The following PPP1R12C variants were observed in gnomAD, a reference collection of about 807,000 sequenced individuals.
PPP1R12C encodes leukocyte receptor cluster (LRC) encoded novel gene 3.
Under a neutral mutation model 95.6 loss-of-function variants are expected in PPP1R12C, and 48 were observed. The observed-to-expected ratio is 0.50, with a 90% CI of 0.40 to 0.64. PPP1R12C has a LOEUF of 0.64. Ranked by LOEUF, PPP1R12C falls within the 30% of genes least tolerant of loss-of-function variation. The pLI is 0.00. For synonymous variants in PPP1R12C, 480 were observed against 460.8 expected (o/e 1.04, Z -0.53); for missense variants, 1,057 against 1,083.3 (o/e 0.98, Z 0.34).
In PPP1R12C at chr19:55,104,179, A is replaced by T. The variant is rs377284625; in HGVS notation, c.572-611T>A. 2.1e-3 allele frequency among the ~76,000 whole-genome samples: 216 copies of T among 104,338 alleles called. 4 individuals carry two copies. The South Asian group carries it at 0.028, about 14-fold the overall frequency. 68.4% of individuals were successfully genotyped at this position (104,338 alleles called of 152,430 possible). A position where few individuals can be genotyped will look rare whatever the true frequency, so the allele number is the denominator to read the frequency against. ...CTCTGTCTAAAAAAAAAAAAAAAAA[A>T]GTATATATATATATATATATACACA... On this transcript the variant is annotated intron_variant, in intron 3 of 21. Transcript: ENST00000263433.
At chr19:55,102,431 G>A (rs1422383404) in intron 4 of PPP1R12C, among the ~76,000 whole-genome samples, 1 of 152,208 alleles carries the variant, frequency 6.6e-6, no homozygotes, top group Non-Finnish European at 1.5e-5. Context: ...AGAATTCCTT[G>A]AACCCAGGAG....
At chr19:55,092,074 T>G in intron 19 of PPP1R12C, 148 bp downstream of exon 19, 5 of 1,087,212 alleles carry the variant, frequency 4.6e-6, no homozygotes, top group Non-Finnish European at 6.6e-6. Context: ...ATCCCCTCGC[T>G]CAGACTCCGC....
At chr19:55,094,307 C>T in intron 13 of PPP1R12C, 38 bp downstream of exon 13, 1 of 969,286 alleles carries the variant, frequency 1.0e-6, no homozygotes, top group South Asian at 1.5e-5. Flanking sequence ...CCCCTCCTCC[C>T]TCAGACCCAG....
chr19:55,096,709 G>T, intron 6 of PPP1R12C: 1 of 386,306 alleles, frequency 2.6e-6, no homozygotes, highest in South Asian at 2.3e-5. Flanking sequence ...GCCGGCACTC[G>T]CCTCCTCCTT....
chr19:55,095,074 G>A (rs1343475261), intron 11 of PPP1R12C: 1 of 691,876 alleles, frequency 1.4e-6, no homozygotes, highest in East Asian at 2.7e-5. Flanking sequence ...GGTGGTCAGT[G>A]TGCACCTCGG....
intron 3 of PPP1R12C, among the ~76,000 whole-genome samples, chr19:55,104,077 C>T (rs1472222978): frequency 6.9e-6 from 1 of 145,632 alleles, no homozygotes; most frequent in Non-Finnish European, 1.5e-5. Context: ...GCAGGAGAAT[C>T]GCTTGAACCC....
Position 55,117,618 on chromosome 19 carries a change from C to CCCGGGGGCCG in PPP1R12C, c.-85_-76dup, listed in dbSNP as rs1413999486. On this transcript the variant is annotated 5_prime_UTR_variant, in exon 1 of 22. Coordinates refer to ENST00000263433, the MANE Select transcript of PPP1R12C (RefSeq NM_017607.4). ...CGCCACCACCCGCCCGCCCGCCCGC[C>CCCGGGGGCCG]CCGGGGGCCGCCGGGAACTGCCGCT... The CCCGGGGGCCG allele has an allele frequency of 3.3e-6, 3 of 917,362 alleles. No homozygotes were observed. Among genetic ancestry groups the CCCGGGGGCCG allele is most frequent in the Admixed American group, 1.3e-4 (2 of 15,948 alleles). 56.8% of individuals were successfully genotyped at this position (917,362 alleles called of 1,614,324 possible).
Position 55,092,804 on chromosome 19 carries a change from C to G in PPP1R12C, c.1890G>C (p.Lys630Asn). 1 of 1,561,628 alleles carries G rather than the reference C, an allele frequency of 6.4e-7. No individual in the cohort carries two copies. The highest frequency in any genetic ancestry group is 8.7e-7 in the Non-Finnish European group (1 of 1,153,026). Residue 630 changes from lysine (K) to asparagine (N), a missense_variant, in exon 16 of 22, where the codon AAG (lysine) becomes AAC (asparagine). Physicochemically the swap from Lys to Asn is moderately conservative, Grantham distance 94. This residue lies in a region of PPP1R12C where 347 missense variants were observed against 307.9 expected (regional missense o/e 1.13). Coordinates refer to ENST00000263433, the MANE Select transcript of PPP1R12C (RefSeq NM_017607.4). ...TCACCTCCGCAGGCCCCCTCCACTC[C>G]TTTCCGACCTTGCGGTGCTCCCTGG... ...QAAREHRKVG[K>N]EWRGPAEGEE...
Position 55,109,644 on chromosome 19 carries a change from T to C in PPP1R12C, c.571+2823A>G, listed in dbSNP as rs912973847. ...GGGATGGTCGTGCCTGAGGCCGGTCTGTCTTCTCTCCCAGCCCTGCCTGTG... is the reference window on the plus strand; with the variant it reads ...GGGATGGTCGTGCCTGAGGCCGGTCCGTCTTCTCTCCCAGCCCTGCCTGTG... On this transcript the variant is annotated intron_variant, in intron 3 of 21. Transcript: ENST00000263433. This position sits in a 1 kb window ranked among gnomAD's most constrained non-coding sequence, Gnocchi z 4.4. 2.6e-5 allele frequency among the ~76,000 whole-genome samples: 4 copies of C among 152,256 alleles called. No individual in the cohort carries two copies. Among genetic ancestry groups the C allele is most frequent in the Admixed American group, 1.3e-4 (2 of 15,290 alleles).
At chr19:55,110,361 G>T (rs1374326909) in intron 3 of PPP1R12C, among the ~76,000 whole-genome samples, 7 of 143,940 alleles carry the variant, frequency 4.9e-5, no homozygotes, top group African/African-American at 1.9e-4. Flanking sequence ...GGTGCGGTGG[G>T]TGAGAGTGTA....
intron 15 of PPP1R12C, 40 bp from the exon 16 acceptor site, chr19:55,092,908 C>A: frequency 6.3e-7 from 1 of 1,597,032 alleles, no homozygotes; most frequent in Non-Finnish European, 8.5e-7. Context: ...ACCTCCAGAG[C>A]CCCCTCTCGG....
At chr19:55,097,250 T>C (rs2084927779) in intron 6 of PPP1R12C, among the ~76,000 whole-genome samples, 1 of 94,314 alleles carries the variant, frequency 1.1e-5, no homozygotes. Context: ...ACCACCGTCT[T>C]CACCCCTACC....
chr19:55,092,190 A>G, intron 19 of PPP1R12C, 32 bp downstream of exon 19: 1 of 1,527,072 alleles, frequency 6.5e-7, no homozygotes. Flanking sequence ...CGGCCCTGCC[A>G]GTTCCCGTGA....
intron 5 of PPP1R12C, 30 bp from the exon 6 acceptor site, chr19:55,098,888 A>G (rs561008885): frequency 2.5e-6 from 4 of 1,612,798 alleles, no homozygotes; most frequent in East Asian, 2.2e-5. Context: ...GGATCAGACA[A>G]TGAAGGAGGT....
chr19:55,092,489 G>T lies in PPP1R12C; in HGVS notation c.2008C>A (p.Pro670Thr), dbSNP rs775028111. The T allele has an allele frequency of 2.9e-5, 46 of 1,610,134 alleles. No individual in the cohort carries two copies. Among genetic ancestry groups the T allele is most frequent in the Non-Finnish European group, 3.7e-5 (44 of 1,178,674 alleles). ...RRQRWQRDLN[P>T]EPEPESEEPD... ...TCTTCCGATTCTGGCTCAGGTTCTGGGTTGAGGTCCCGCTGCCACCGCTGC... is the reference window on the plus strand; with the variant it reads ...TCTTCCGATTCTGGCTCAGGTTCTGTGTTGAGGTCCCGCTGCCACCGCTGC... The change falls in exon 18 of 22, where the codon CCA (proline) becomes ACA (threonine). Residue 670 changes from proline to threonine, a missense_variant. Transcript: ENST00000263433.
Position 55,094,805 on chromosome 19 carries a change from C to T in PPP1R12C, c.1455-7G>A. Reference sequence around the variant, plus strand: ...AGGCTTGGTGACCTCAGACCTGCATCAATTCATTCATTCCACAAACATTAC... The same window carrying T: ...AGGCTTGGTGACCTCAGACCTGCATTAATTCATTCATTCCACAAACATTAC... On this transcript the variant is annotated splice_region_variant and splice_polypyrimidine_tract_variant and intron_variant, in intron 11 of 21. Transcript: ENST00000263433. 6.3e-7 allele frequency: 1 copy of T among 1,585,068 alleles called. No individual in the cohort carries two copies. Among genetic ancestry groups the T allele is most frequent in the Non-Finnish European group, 8.6e-7 (1 of 1,168,710 alleles).
chr19:55,095,346 G>A lies in PPP1R12C; in HGVS notation c.1399C>T (p.Arg467Cys), dbSNP rs370400749. ...GGGGTCGGGGTAATTCTGGCAAGACGGAGCTCCTTGGCCTGTGTGGAGAGG... is the reference window on the plus strand; with the variant it reads ...GGGGTCGGGGTAATTCTGGCAAGACAGAGCTCCTTGGCCTGTGTGGAGAGG... ...EGTSTQAKELRLARITPTPSP... is the reference protein window; with the variant it reads ...EGTSTQAKELCLARITPTPSP... Residue 467 changes from arginine to cysteine, a missense_variant, in exon 11 of 22, where the codon CGT becomes TGT. Physicochemically the swap from Arg to Cys is radical, Grantham distance 180. Coordinates refer to ENST00000263433, the MANE Select transcript of PPP1R12C (RefSeq NM_017607.4). 1.2e-4 allele frequency: 185 copies of A among 1,591,778 alleles called. 3 individuals are homozygous for A. Among genetic ancestry groups the A allele is most frequent in the East Asian group, 1.1e-3 (48 of 43,526 alleles).
At chr19:55,110,323 C>T (rs369321694) in intron 3 of PPP1R12C, among the ~76,000 whole-genome samples, 3 of 151,270 alleles carry the variant, frequency 2.0e-5, no homozygotes, top group African/African-American at 4.9e-5. Flanking sequence ...AAGGTTGGTG[C>T]GGTGGGTGAG....
chr19:55,101,476 G>A (rs2084978384), intron 4 of PPP1R12C, among the ~76,000 whole-genome samples: 1 of 152,198 alleles, frequency 6.6e-6, no homozygotes, highest in Admixed American at 6.5e-5. Context: ...CTTGCAGCGA[G>A]GAGCGGTCAT....
Sources: allele counts gnomAD v4.1 joint callset (sites outside exome capture counted in the v4.1 genomes callset), GRCh38; gene constraint gnomAD v4.1.1; regional missense constraint gnomAD v4.1.1; non-coding constraint Gnocchi (gnomAD v3.1); transcripts MANE v1.5; gene names NCBI Gene and HGNC (gene_info 2026-07-23, HGNC 2026-07-21).